Variants in RYR1 observed in about 807,000 individuals in gnomAD.
RYR1 encodes ryanodine receptor 1, also known as central core disease of muscle.
A neutral mutation model predicts 583.5 loss-of-function variants in RYR1; 342 were observed. That is an observed-to-expected ratio of 0.59 (90% confidence interval 0.54 to 0.64). RYR1 has a LOEUF of 0.64. RYR1 is among the 30% of genes least tolerant of loss of function. RYR1 has a pLI of 0.00. For missense variants in RYR1, 6,032 were observed against 6,917.2 expected, an observed-to-expected ratio of 0.87 and a Z score of 4.54; for synonymous variants, 2,791 against 2,822.5, an observed-to-expected ratio of 0.99 and a Z score of 0.35.
At chr19:38,527,576 G>T in intron 72 of RYR1, 71 bp from the exon 73 acceptor site, 2 of 1,598,896 alleles carry the variant, frequency 1.3e-6, no homozygotes, top group Non-Finnish European at 1.7e-6. Flanking sequence ...TCCCAAAAAC[G>T]GAAAGGGGAC....
Position 38,525,434 on chromosome 19 carries a change from A to G in RYR1, c.10558A>G (p.Ile3520Val), listed in dbSNP as rs752383439. Residue 3520 changes from isoleucine to valine, a missense_variant, in exon 71 of 106, where the codon ATC becomes GTC. This residue lies in a region of RYR1 where 1,493 missense variants were observed against 1,715.5 expected (regional missense o/e 0.87). Coordinates refer to ENST00000359596, the MANE Select transcript of RYR1 (RefSeq NM_000540.3). ...GGCCACACTGAAGAAGATGCTGCCC[A>G]TCGGCCTGAATATGTGTGCGCCCAC... Reference protein sequence around the residue: ...IVATLKKMLPIGLNMCAPTDQ... With the variant: ...IVATLKKMLPVGLNMCAPTDQ... 11 of 1,613,806 alleles carry G rather than the reference A, an allele frequency of 6.8e-6. No individual in the cohort carries two copies. Among genetic ancestry groups the G allele is most frequent in the Admixed American group, 1.7e-5 (1 of 59,972 alleles).
rs527530809 is a variant in RYR1, at chr19:38,565,624, G to A, written c.13290G>A (p.Gly4430=). The A allele has an allele frequency of 7.1e-7, 1 of 1,405,740 alleles. No individual in the cohort carries two copies. Among genetic ancestry groups the A allele is most frequent in the Non-Finnish European group, 9.2e-7 (1 of 1,090,526 alleles). 87.1% of individuals were successfully genotyped at this position (1,405,740 alleles called of 1,614,324 possible). ...GDEEEAVHEA[G]PGGADGAVAV... ...AGGAGGAGGCGGTGCACGAGGCCGG[G>A]CCGGGCGGTGCCGACGGGGCGGTGG... Residue 4430 remains glycine, a synonymous_variant, in exon 91 of 106, where the codon GGG becomes GGA. Transcript: ENST00000359596. This position sits in a 1 kb window ranked among gnomAD's most constrained non-coding sequence, Gnocchi z 4.7.
chr19:38,439,632 G>A (rs1302810207), intron 1 of RYR1, among the ~76,000 whole-genome samples: 2 of 151,804 alleles, frequency 1.3e-5, no homozygotes, highest in Non-Finnish European at 2.9e-5. Flanking sequence ...TCAGACTCCC[G>A]AGTAGCTGGA....
At chr19:38,468,056 C>G (rs1250640961) in intron 25 of RYR1, among the ~76,000 whole-genome samples, 27 of 56,524 alleles carry the variant, frequency 4.8e-4, no homozygotes, top group Non-Finnish European at 8.3e-4. Context: ...CATCATCCAT[C>G]CATCCATCCA....
rs761789667 is a variant in RYR1, at chr19:38,469,458, T to TCAG, written c.3713_3715dup (p.Ser1238dup). On this transcript the variant is annotated inframe_insertion, in exon 27 of 106. Transcript: ENST00000359596. ...ATGCAGCGCCCAGTCACCACCTGGT[T>TCAG]CAGCAAAGGCCTGCCCCAGTTTGAG... The TCAG allele has an allele frequency of 1.9e-6, 3 of 1,614,058 alleles. No individual in the cohort carries two copies. In the African/African-American group the frequency reaches 4.0e-5, roughly 22 times the overall value.
intron 1 of RYR1, 34 bp from the exon 2 acceptor site, chr19:38,440,711 G>GC (rs764002462): frequency 1.9e-5 from 30 of 1,601,688 alleles, no homozygotes; most frequent in Non-Finnish European, 2.4e-5. Flanking sequence ...TCCGGGCCAG[G>GC]CCCCCCTGGA....
At chr19:38,548,003 A>G (rs1972506164) in intron 88 of RYR1, among the ~76,000 whole-genome samples, 1 of 151,976 alleles carries the variant, frequency 6.6e-6, no homozygotes, top group Non-Finnish European at 1.5e-5. Context: ...GTGAGCCACC[A>G]CGTCCGACCT....
chr19:38,564,665 GC>G (rs973664941), intron 90 of RYR1, among the ~76,000 whole-genome samples: 53 of 152,134 alleles, frequency 3.5e-4, no homozygotes, highest in African/African-American at 1.1e-3. Flanking sequence ...ACAGGGGTGC[GC>G]CACCACACCG....
rs373529015 is a variant in RYR1, at chr19:38,499,857, C to T, written c.7214+36C>T. 6.8e-6 allele frequency: 11 copies of T among 1,611,344 alleles called. No homozygotes were observed. Among genetic ancestry groups the T allele is most frequent in the East Asian group, 4.5e-5 (2 of 44,874 alleles). ...CGGCCCCCTCCTCAATAGGGCAACC[C>T]GCCCTCCCTGGCCCCTGGCTGCCTC... is the stretch of plus-strand genomic sequence containing the variant. On this transcript the variant is annotated intron_variant, in intron 44 of 105. Coordinates refer to ENST00000359596, the MANE Select transcript of RYR1 (RefSeq NM_000540.3). The surrounding 1 kb of genome is among the most constrained non-coding windows in gnomAD (Gnocchi z 7.3).
intron 89 of RYR1, among the ~76,000 whole-genome samples, chr19:38,552,444 G>A (rs148836407): frequency 0.012 from 1,840 of 152,112 alleles, 42 homozygotes; most frequent in African/African-American, 0.042. Flanking sequence ...AGTAGAGACG[G>A]GCTTCACCAT....
rs754966992 is a variant in RYR1 at position 38,510,760 on chromosome 19, A to C, written c.9101A>C (p.Lys3034Thr). ...GGCAGCGGTGGCCACGCCTCTAACA[A>C]GGAGAAGGAAATGATCACCAGGTGG... Reference protein sequence around the residue: ...VLGSGGHASNKEKEMITSLFC... With the variant: ...VLGSGGHASNTEKEMITSLFC... Residue 3034 changes from lysine to threonine, a missense_variant, in exon 60 of 106, where the codon AAG becomes ACG. By Grantham distance (78) the Lys-to-Thr change is moderately conservative (BLOSUM62 -1). This residue lies in a region of RYR1 where 1,493 missense variants were observed against 1,715.5 expected (regional missense o/e 0.87). Transcript: ENST00000359596. 1.4e-5 allele frequency: 22 copies of C among 1,614,046 alleles called. No individual in the cohort carries two copies. Among genetic ancestry groups the C allele is most frequent in the Non-Finnish European group, 1.8e-5 (21 of 1,180,048 alleles).
intron 37 of RYR1, among the ~76,000 whole-genome samples, chr19:38,491,488 G>A (rs1277961746): frequency 1.3e-5 from 2 of 151,508 alleles, no homozygotes; most frequent in Non-Finnish European, 2.9e-5. Flanking sequence ...GAGTGCAGGG[G>A]CACAATCTTA....
At chr19:38,503,383 AT>A (rs201427712) in intron 49 of RYR1, among the ~76,000 whole-genome samples, 3 of 151,982 alleles carry the variant, frequency 2.0e-5, no homozygotes, top group African/African-American at 4.8e-5. Context: ...TGTCTCTCTT[AT>A]TTTTTCATTT....
At chr19:38,438,865 A>G (rs111327274) in intron 1 of RYR1, among the ~76,000 whole-genome samples, 1,702 of 151,828 alleles carry the variant, frequency 0.011, 46 homozygotes, top group African/African-American at 0.039. Flanking sequence ...TGACCCTCCC[A>G]CCTTGTCCTC....
rs994999964 is a variant in RYR1, at chr19:38,507,058, G to A, written c.8816+106G>A. 2.6e-5 allele frequency: 40 copies of A among 1,552,358 alleles called. No individual in the cohort carries two copies. The Admixed American group carries it at 6.9e-4, about 27-fold the overall frequency. On this transcript the variant is annotated intron_variant, in intron 57 of 105. Coordinates refer to ENST00000359596, the MANE Select transcript of RYR1 (RefSeq NM_000540.3). Reference sequence around the variant, plus strand: ...GGTGGAGCCGAGAGGAACGGGGCCTGAGGAGCAAAGATGGAACCAGAGGGG... The same window carrying A: ...GGTGGAGCCGAGAGGAACGGGGCCTAAGGAGCAAAGATGGAACCAGAGGGG...
intron 1 of RYR1, among the ~76,000 whole-genome samples, chr19:38,436,578 TG>T (rs1972438374): frequency 6.6e-6 from 1 of 152,232 alleles, no homozygotes; most frequent in Admixed American, 6.5e-5. Flanking sequence ...TGTTGCTTTT[TG>T]TTGCCGAATA....
At chr19:38,481,532 C>T (rs1170662533) in intron 31 of RYR1, among the ~76,000 whole-genome samples, 1 of 152,110 alleles carries the variant, frequency 6.6e-6, no homozygotes, top group Non-Finnish European at 1.5e-5. Flanking sequence ...TCTTTCCCAA[C>T]CCCCCAGAAA....
At chr19:38,585,741 C>T (rs1197299523) in intron 102 of RYR1, among the ~76,000 whole-genome samples, 197 bp from the exon 103 acceptor site, 1 of 151,992 alleles carries the variant, frequency 6.6e-6, no homozygotes, top group Non-Finnish European at 1.5e-5. Flanking sequence ...CCTCAGCCTC[C>T]CAAAGTACTG....
At chr19:38,449,851 G>A (rs924156405) in intron 11 of RYR1, among the ~76,000 whole-genome samples, 1 of 152,224 alleles carries the variant, frequency 6.6e-6, no homozygotes, top group Non-Finnish European at 1.5e-5. Flanking sequence ...GGAACAGCTC[G>A]TGTGAGGCCT....
Sources: allele counts gnomAD v4.1 joint callset (sites outside exome capture counted in the v4.1 genomes callset), GRCh38; gene constraint gnomAD v4.1.1; regional missense constraint gnomAD v4.1.1; non-coding constraint Gnocchi (gnomAD v3.1); transcripts MANE v1.5; gene names NCBI Gene and HGNC (gene_info 2026-07-23, HGNC 2026-07-21).